The following TEX22 variants were observed in gnomAD, a reference collection of about 807,000 sequenced individuals.
TEX22 encodes testis expressed 22.
Under a neutral mutation model 11.3 loss-of-function variants are expected in TEX22, and 16 were observed. The observed-to-expected ratio is 1.42, with a 90% CI of 0.96 to 2.15. TEX22 has a LOEUF of 2.15. Among genes scored for constraint, TEX22 ranks in the 30% most tolerant of loss-of-function variants. The pLI, the probability that TEX22 is intolerant of heterozygous loss-of-function variation, is 0.00. For missense variants in TEX22, 220 were observed against 208.6 expected, an observed-to-expected ratio of 1.05 and a Z score of -0.34; for synonymous variants, 97 against 92.3, an observed-to-expected ratio of 1.05 and a Z score of -0.29.
intron 2 of TEX22, among the ~76,000 whole-genome samples, chr14:105,400,917 C>T (rs1555418277): frequency 2.0e-5 from 3 of 152,220 alleles, no homozygotes; most frequent in Non-Finnish European, 4.4e-5. Flanking sequence ...GATGAAGCTT[C>T]ACCTGCCCAG....
intron 2 of TEX22, among the ~76,000 whole-genome samples, chr14:105,402,899 CAG>C (rs2081640287): frequency 6.6e-6 from 1 of 152,008 alleles, no homozygotes. Flanking sequence ...GTTTTTGAGA[CAG>C]GGTCTTGCTC....
intron 2 of TEX22, among the ~76,000 whole-genome samples, chr14:105,402,703 A>T (rs148121493): frequency 1.3e-5 from 2 of 150,400 alleles, no homozygotes; most frequent in East Asian, 3.9e-4. Context: ...TTGCAGTGAG[A>T]CGAGATTGCG....
chr14:105,399,500 A>G lies in TEX22; in HGVS notation c.150+10A>G. 2.0e-6 allele frequency: 3 copies of G among 1,522,936 alleles called. No individual in the cohort carries two copies. The highest frequency in any genetic ancestry group is 2.6e-6 in the Non-Finnish European group (3 of 1,138,716). 94.3% of individuals were successfully genotyped at this position (1,522,936 alleles called of 1,614,324 possible). A position where few individuals can be genotyped will look rare whatever the true frequency, so the allele number is the denominator to read the frequency against. ...GCAGACTCAGGACTGGGTAAGCGGAAGGAAACCCTGGCCGAGGCTACTCTC... is the reference window on the plus strand; with the variant it reads ...GCAGACTCAGGACTGGGTAAGCGGAGGGAAACCCTGGCCGAGGCTACTCTC... On this transcript the variant is annotated intron_variant, in intron 2 of 3. Transcript: ENST00000451127.
chr14:105,408,075 ATTAC>A (rs2141360871), intron 2 of TEX22, among the ~76,000 whole-genome samples: 1 of 152,260 alleles, frequency 6.6e-6, no homozygotes, highest in South Asian at 2.1e-4. Context: ...TGGATTACTC[ATTAC>A]TTAAATCTTA....
At chr14:105,402,782 C>G (rs2081639582) in intron 2 of TEX22, among the ~76,000 whole-genome samples, 1 of 151,662 alleles carries the variant, frequency 6.6e-6, no homozygotes, top group South Asian at 2.1e-4. Context: ...AAAGAGAAAC[C>G]TGTTGTTCAA....
chr14:105,405,342 C>T (rs2081653035), intron 2 of TEX22, among the ~76,000 whole-genome samples: 1 of 151,944 alleles, frequency 6.6e-6, no homozygotes, highest in Admixed American at 6.6e-5. Flanking sequence ...GATGAGTTTG[C>T]CTGCCCTCAC....
intron 2 of TEX22, among the ~76,000 whole-genome samples, chr14:105,407,202 G>T (rs1231160578): frequency 1.3e-5 from 2 of 151,728 alleles, no homozygotes; most frequent in African/African-American, 4.9e-5. Context: ...TGAGTAGCTG[G>T]GATTACAGGT....
chr14:105,399,197 G>A (rs1188628326), intron 1 of TEX22, 105 bp from the exon 2 acceptor site: 4 of 672,638 alleles, frequency 5.9e-6, no homozygotes, highest in Non-Finnish European at 1.0e-5. Flanking sequence ...GGTGACCCTA[G>A]CAGACCGCGA....
At chr14:105,408,907 T>G in intron 2 of TEX22, among the ~76,000 whole-genome samples, 1 of 152,140 alleles carries the variant, frequency 6.6e-6, no homozygotes, top group Non-Finnish European at 1.5e-5. Context: ...GTGTTGCCTT[T>G]GTGCTGTTTT....
chr14:105,411,388 C>T lies in TEX22; in HGVS notation c.171C>T (p.Arg57=). ...TQDWVCEPPE[R]RRPGRRWSVS... ...CCCAGGTGTGCGAGCCGCCGGAACG[C>T]AGGCGCCCGGGCCGCCGCTGGAGCG... Residue 57 remains arginine (R), a synonymous_variant, in exon 3 of 4, where the codon CGC becomes CGT. Transcript: ENST00000451127. The T allele has an allele frequency of 1.5e-6, 2 of 1,324,412 alleles. No homozygotes were observed. The highest frequency in any genetic ancestry group is 1.5e-5 in the African/African-American group (1 of 65,028). The allele number at this position is 1,324,412 out of a possible 1,614,324, so 82.0% of individuals were successfully genotyped here.
chr14:105,399,202 C>G (rs1555418079), intron 1 of TEX22, 100 bp from the exon 2 acceptor site: 1 of 695,472 alleles, frequency 1.4e-6, no homozygotes, highest in African/African-American at 1.8e-5. Context: ...CCCTAGCAGA[C>G]CGCGATACTG....
chr14:105,400,259 C>T (rs1566983276), intron 2 of TEX22, among the ~76,000 whole-genome samples: 1 of 152,222 alleles, frequency 6.6e-6, no homozygotes, highest in Non-Finnish European at 1.5e-5. Context: ...GGCGTGTCTG[C>T]GTGTGTTCCC....
intron 2 of TEX22, among the ~76,000 whole-genome samples, chr14:105,402,215 G>A (rs1479791883): frequency 3.9e-5 from 6 of 152,072 alleles, no homozygotes; most frequent in African/African-American, 1.2e-4. Flanking sequence ...TCTGGAAACC[G>A]AAGCCCTTAT....
In TEX22 at chr14:105,411,769, T is replaced by C; in HGVS notation, c.389T>C (p.Leu130Pro). Residue 130 changes from leucine (L) to proline (P), a missense_variant, in exon 4 of 4, where the codon CTG becomes CCG. Physicochemically the swap from Leu to Pro is moderately conservative, Grantham distance 98. Transcript: ENST00000451127. ...TESTNAFQAFLARSAPFWHNA... is the reference protein window; with the variant it reads ...TESTNAFQAFPARSAPFWHNA... ...TCCACCAACGCCTTCCAGGCCTTCC[T>C]GGCGCGCAGTGCGCCTTTCTGGCAT... 6.6e-7 allele frequency: 1 copy of C among 1,507,878 alleles called. No individual in the cohort carries two copies. The highest frequency in any genetic ancestry group is 2.1e-5 in the Admixed American group (1 of 48,212). 93.4% of individuals were successfully genotyped at this position (1,507,878 alleles called of 1,614,324 possible).
chr14:105,407,735 G>A (rs1555418978), intron 2 of TEX22, among the ~76,000 whole-genome samples: 1 of 152,174 alleles, frequency 6.6e-6, no homozygotes, highest in Non-Finnish European at 1.5e-5. Context: ...GACTTAATTA[G>A]AAGGGTGTTT....
At chr14:105,402,771 AAAAG>A (rs1415966578) in intron 2 of TEX22, among the ~76,000 whole-genome samples, 5 of 152,182 alleles carry the variant, frequency 3.3e-5, no homozygotes, top group African/African-American at 7.2e-5. Flanking sequence ...AAAAAAAAAA[AAAAG>A]AGAAACCTGT....
Position 105,411,452 on chromosome 14 carries a change from G to C in TEX22, c.235G>C (p.Gly79Arg). ...DERRRLATLGGRERPGAAGTQ... is the reference protein window; with the variant it reads ...DERRRLATLGRRERPGAAGTQ... Reference sequence around the variant, plus strand: ...GCGCCGGCGGCTGGCCACGCTGGGCGGCCGGGAGAGGCCGGGCGCCGCCGG... The same window carrying C: ...GCGCCGGCGGCTGGCCACGCTGGGCCGCCGGGAGAGGCCGGGCGCCGCCGG... The change falls in exon 3 of 4, where the codon GGC becomes CGC. Residue 79 changes from glycine (G) to arginine (R), a missense_variant. Physicochemically the swap from Gly to Arg is moderately radical, Grantham distance 125 (BLOSUM62 -2). Transcript: ENST00000451127. 8.1e-7 allele frequency: 1 copy of C among 1,232,568 alleles called. No individual in the cohort carries two copies. Among genetic ancestry groups the C allele is most frequent in the Non-Finnish European group, 1.0e-6 (1 of 990,128 alleles). The allele number at this position is 1,232,568 out of a possible 1,614,324, so 76.4% of individuals were successfully genotyped here.
chr14:105,402,531 G>A (rs1188012360), intron 2 of TEX22, among the ~76,000 whole-genome samples: 20 of 151,838 alleles, frequency 1.3e-4, no homozygotes, highest in Non-Finnish European at 2.1e-4. Flanking sequence ...GGGGCGGGCA[G>A]ATCACAAGGT....
At chr14:105,411,337 G>A in intron 2 of TEX22, 31 bp from the exon 3 acceptor site, 1 of 1,278,712 alleles carries the variant, frequency 7.8e-7, no homozygotes, top group South Asian at 2.4e-5. Context: ...TGGCGCCGAG[G>A]CCCTCGCCGA....
Sources: allele counts gnomAD v4.1 joint callset (sites outside exome capture counted in the v4.1 genomes callset), GRCh38; gene constraint gnomAD v4.1.1; transcripts MANE v1.5; gene names NCBI Gene and HGNC (gene_info 2026-07-23, HGNC 2026-07-21).